Variants in PRAME observed in about 807,000 individuals in gnomAD.
PRAME encodes the protein PRAME nuclear receptor transcriptional regulator.
PRAME carries 21 observed loss-of-function variants against 32.1 expected under a neutral mutation model. The observed-to-expected ratio is 0.65, with a 90% CI of 0.46 to 0.94. The LOEUF (loss-of-function observed/expected upper bound fraction) is 0.94. PRAME is among the 40% of genes least tolerant of loss of function. PRAME has a pLI of 0.00. For synonymous variants in PRAME, 274 were observed against 251.5 expected, an observed-to-expected ratio of 1.09 and a Z score of -0.85; for missense variants, 651 against 622.3, an observed-to-expected ratio of 1.05 and a Z score of -0.49.
intron 3 of PRAME, chr22:22,556,017 G>C: frequency 2.5e-6 from 1 of 405,344 alleles, no homozygotes; most frequent in Non-Finnish European, 5.2e-6. Flanking sequence ...TTTGGAGGAG[G>C]AGTTTCACTC....
Position 22,547,961 on chromosome 22 carries a change from T to C in PRAME, c.*106A>G. On this transcript the variant is annotated 3_prime_UTR_variant, in exon 6 of 6. Coordinates refer to ENST00000405655, the MANE Select transcript of PRAME (RefSeq NM_206956.3). Reference sequence around the variant, plus strand: ...CTGAACATGTTTTCCTCACTCACACTGAACATTTGTCTGAAACTGTGGCTG... The same window carrying C: ...CTGAACATGTTTTCCTCACTCACACCGAACATTTGTCTGAAACTGTGGCTG... 1.6e-6 allele frequency: 2 copies of C among 1,239,796 alleles called. No individual in the cohort carries two copies. The highest frequency in any genetic ancestry group is 1.1e-6 in the Non-Finnish European group (1 of 883,194). 76.8% of individuals were successfully genotyped at this position (1,239,796 alleles called of 1,614,324 possible).
intron 1 of PRAME, among the ~76,000 whole-genome samples, 168 bp downstream of exon 1, chr22:22,558,803 G>C (rs2063156495): frequency 6.6e-6 from 1 of 151,446 alleles, no homozygotes; most frequent in South Asian, 2.1e-4. Context: ...AGTGGGATGC[G>C]GGGTGCAGGG....
chr22:22,550,417 A>G, intron 4 of PRAME, 83 bp from the exon 5 acceptor site: 2 of 1,486,980 alleles, frequency 1.3e-6, no homozygotes, highest in South Asian at 2.6e-5. Context: ...AATGTAGGTA[A>G]GAACCAAACA....
rs1285176859 is a variant in PRAME, at chr22:22,551,594, G to A, written c.22-505C>T. Reference sequence around the variant, plus strand: ...AAAAAATTTTAAATGAGAAACTACAGAAGCAGCACAACAGTATTACATAGC... The same window carrying A: ...AAAAAATTTTAAATGAGAAACTACAAAAGCAGCACAACAGTATTACATAGC... On this transcript the variant is annotated intron_variant, in intron 3 of 5. Coordinates refer to ENST00000405655, the MANE Select transcript of PRAME (RefSeq NM_206956.3). Among the ~76,000 whole-genome samples the A allele has an allele frequency of 3.3e-5, 5 of 151,360 alleles. No homozygotes were observed. In the East Asian group the frequency reaches 9.9e-4, roughly 30 times the overall value.
At position 22,547,966 on chromosome 22, in the gene PRAME, A is replaced by G; in HGVS notation, c.*101T>C. ...CATGTTTTCCTCACTCACACTGAAC[A>G]TTTGTCTGAAACTGTGGCTGCTTTG... On this transcript the variant is annotated 3_prime_UTR_variant, in exon 6 of 6. Transcript: ENST00000405655. The G allele has an allele frequency of 7.8e-7, 1 of 1,275,660 alleles. No homozygotes were observed. The highest frequency in any genetic ancestry group is 1.1e-6 in the Non-Finnish European group (1 of 914,550). 79.0% of individuals were successfully genotyped at this position (1,275,660 alleles called of 1,614,324 possible).
At chr22:22,554,338 T>A in intron 3 of PRAME, 1 of 769,720 alleles carries the variant, frequency 1.3e-6, no homozygotes, top group Non-Finnish European at 1.6e-6. Context: ...AAGGAGGCTG[T>A]AATTCGTTGA....
chr22:22,555,441 T>C (rs1218235873), intron 3 of PRAME, among the ~76,000 whole-genome samples: 1 of 151,978 alleles, frequency 6.6e-6, no homozygotes, highest in African/African-American at 2.4e-5. Flanking sequence ...TTTCACCATG[T>C]TGGCCAGGCT....
Position 22,550,001 on chromosome 22 carries a change from GATC to G in PRAME, c.675_677del (p.Met225del). 6.2e-7 allele frequency: 1 copy of G among 1,613,830 alleles called. No homozygotes were observed. The highest frequency in any genetic ancestry group is 1.3e-5 in the African/African-American group (1 of 74,946). ...TAGAGTCCAGCTGCACCATTTTCAG[GATC>G]ATCTTGATATCCTGCATGGGCATTG... On this transcript the variant is annotated inframe_deletion, in exon 5 of 6. Coordinates refer to ENST00000405655, the MANE Select transcript of PRAME (RefSeq NM_206956.3).
At chr22:22,552,877 C>G (rs1301588975) in intron 3 of PRAME, 1 of 470,752 alleles carries the variant, frequency 2.1e-6, no homozygotes, top group Non-Finnish European at 4.4e-6. Flanking sequence ...GACTCCATGG[C>G]CTCTGGGTCC....
At chr22:22,557,158 G>A in intron 2 of PRAME, 1 of 435,458 alleles carries the variant, frequency 2.3e-6, no homozygotes, top group Non-Finnish European at 4.2e-6. Flanking sequence ...CAAGGACCCT[G>A]ACTACGGTCT....
Position 22,548,050 on chromosome 22 carries a change from T to C in PRAME, c.*17A>G, listed in dbSNP as rs747775831. 2 of 1,593,360 alleles carry C rather than the reference T, an allele frequency of 1.3e-6. No individual in the cohort carries two copies. Among genetic ancestry groups the C allele is most frequent in the East Asian group, 2.2e-5 (1 of 44,554 alleles). ...TGTCCAAGTATGCAGAATGAAGCAT[T>C]TGATATGTGCACCCAGCTAATTAGG... On this transcript the variant is annotated 3_prime_UTR_variant, in exon 6 of 6. Coordinates refer to ENST00000405655, the MANE Select transcript of PRAME (RefSeq NM_206956.3).
intron 3 of PRAME, among the ~76,000 whole-genome samples, chr22:22,555,461 C>T (rs944977564): frequency 6.6e-6 from 1 of 151,938 alleles, no homozygotes; most frequent in African/African-American, 2.4e-5. Context: ...TGGTCTCAAA[C>T]TCCTGACCTC....
intron 3 of PRAME, among the ~76,000 whole-genome samples, chr22:22,556,135 G>A (rs980688120): frequency 3.3e-5 from 5 of 151,192 alleles, no homozygotes; most frequent in African/African-American, 9.7e-5. Flanking sequence ...AAGTAGCTGG[G>A]ACTACAGATG....
At chr22:22,554,897 G>C (rs1031112082) in intron 3 of PRAME, among the ~76,000 whole-genome samples, 6 of 151,910 alleles carry the variant, frequency 3.9e-5, no homozygotes, top group Admixed American at 2.6e-4. Flanking sequence ...GAGGAACCGC[G>C]ATCAAGTGTG....
intron 5 of PRAME, 152 bp downstream of exon 5, chr22:22,549,574 C>T: frequency 9.8e-7 from 1 of 1,019,694 alleles, no homozygotes; most frequent in South Asian, 1.8e-5. Flanking sequence ...TGATACCATG[C>T]TTGGGGACAG....
chr22:22,556,622 T>G (rs1416770438), intron 3 of PRAME, among the ~76,000 whole-genome samples, 190 bp downstream of exon 3: 1 of 151,948 alleles, frequency 6.6e-6, no homozygotes, highest in Non-Finnish European at 1.5e-5. Flanking sequence ...TAGGGTTGAC[T>G]CTCATACAAA....
At chr22:22,554,835 A>C (rs2062809480) in intron 3 of PRAME, among the ~76,000 whole-genome samples, 1 of 152,080 alleles carries the variant, frequency 6.6e-6, no homozygotes, top group South Asian at 2.1e-4. Context: ...TAAGTCCAAC[A>C]GTTAGGGAAG....
chr22:22,557,231 T>C, intron 2 of PRAME: 1 of 215,796 alleles, frequency 4.6e-6, no homozygotes, highest in Non-Finnish European at 8.4e-6. Context: ...GCCTGGGCCG[T>C]CCCCAACCCC....
chr22:22,550,220 C>T lies in PRAME; in HGVS notation c.459G>A (p.Gln153=), dbSNP rs747144734. The change falls in exon 5 of 6, where the codon CAG becomes CAA. Residue 153 remains glutamine (Q), a synonymous_variant. Coordinates refer to ENST00000405655, the MANE Select transcript of PRAME (RefSeq NM_206956.3). ...LYSFPEPEAA[Q]PMTKKRKVDG... ...CTACTTTTCGCTTCTTTGTCATGGGCTGAGCTGCTTCTGGCTCTGGAAATG... is the reference window on the plus strand; with the variant it reads ...CTACTTTTCGCTTCTTTGTCATGGGTTGAGCTGCTTCTGGCTCTGGAAATG... 6.2e-7 allele frequency: 1 copy of T among 1,613,834 alleles called. No homozygotes were observed.
Sources: gnomAD v4.1 joint callset for allele counts (sites outside exome capture counted in the v4.1 genomes callset) on GRCh38, gnomAD v4.1.1 for gene constraint, MANE v1.5 for transcripts, NCBI Gene and HGNC (gene_info 2026-07-23, HGNC 2026-07-21) for gene names.